Variants in RYR3 observed in about 807,000 individuals in gnomAD.
RYR3 encodes brain ryanodine receptor-calcium release channel.
Under a neutral mutation model 584.3 loss-of-function variants are expected in RYR3, and 207 were observed. That is an observed-to-expected ratio of 0.35 (90% CI 0.32 to 0.40). RYR3 has a LOEUF of 0.40. Among genes scored for constraint, RYR3 ranks in the 10% least tolerant of loss-of-function variants. The pLI is 1.00. For synonymous variants in RYR3, 2,416 were observed against 2,248.5 expected, an observed-to-expected ratio of 1.07 and a Z score of -2.11; for missense variants, 5,616 against 6,089.2, an observed-to-expected ratio of 0.92 and a Z score of 2.59.
intron 7 of RYR3, among the ~76,000 whole-genome samples, chr15:33,541,936 A>G (rs2055855586): frequency 6.6e-6 from 1 of 152,146 alleles, no homozygotes; most frequent in East Asian, 1.9e-4. Flanking sequence ...TTTCTCAAGA[A>G]AGTTTTGGCT....
chr15:33,425,798 C>T (rs577524728), intron 1 of RYR3, among the ~76,000 whole-genome samples: 36 of 151,874 alleles, frequency 2.4e-4, no homozygotes, highest in African/African-American at 8.2e-4. Context: ...CCCGCCACCA[C>T]ACCCGGCTAA....
At chr15:33,741,773 C>T (rs893874276) in intron 51 of RYR3, among the ~76,000 whole-genome samples, 1 of 152,024 alleles carries the variant, frequency 6.6e-6, no homozygotes, top group Non-Finnish European at 1.5e-5. Flanking sequence ...GCCACTACGC[C>T]CGGCTAATTT....
intron 102 of RYR3, among the ~76,000 whole-genome samples, chr15:33,862,226 G>GAGAT (rs559162050): frequency 1.3e-5 from 2 of 152,012 alleles, no homozygotes; most frequent in Non-Finnish European, 2.9e-5. Context: ...CTCATCTTTC[G>GAGAT]AGATAGATAG....
At chr15:33,727,098 G>A (rs2068525784) in intron 46 of RYR3, among the ~76,000 whole-genome samples, 1 of 152,138 alleles carries the variant, frequency 6.6e-6, no homozygotes, top group Admixed American at 6.5e-5. Context: ...TTTCCCCTGG[G>A]TCCCCCAGCT....
chr15:33,791,295 G>C (rs922899908), intron 67 of RYR3, among the ~76,000 whole-genome samples: 1 of 152,156 alleles, frequency 6.6e-6, no homozygotes, highest in African/African-American at 2.4e-5. Flanking sequence ...ATGCCCTTGA[G>C]CAGGCGAAAG....
intron 16 of RYR3, among the ~76,000 whole-genome samples, chr15:33,591,951 A>G (rs2059150606): frequency 6.6e-6 from 1 of 152,238 alleles, no homozygotes; most frequent in Non-Finnish European, 1.5e-5. Context: ...GCAGCCAAAC[A>G]GTGTTTCCGT....
chr15:33,645,418 C>T (rs922108623), intron 28 of RYR3, among the ~76,000 whole-genome samples: 1 of 152,154 alleles, frequency 6.6e-6, no homozygotes, highest in African/African-American at 2.4e-5. Flanking sequence ...CTGTAAGTTC[C>T]TTAACTCATC....
chr15:33,838,176 C>G lies in RYR3; in HGVS notation c.12196C>G (p.Arg4066Gly). ...WEKPQVKESK[R>G]QFIFDVVNEG... ...GAAGCCCCAGGTGAAGGAATCTAAG[C>G]GACAGTTCATTTTTGATGTTGTCAA... The change falls in exon 89 of 104, where the codon CGA becomes GGA. Residue 4066 changes from arginine (R) to glycine (G), a missense_variant. Around this residue, in one of 9 missense-constraint regions of RYR3, gnomAD observed 258 missense variants for 297.3 expected, o/e 0.87. Transcript: ENST00000634891. 1 of 1,613,878 alleles carries G rather than the reference C, an allele frequency of 6.2e-7. No homozygotes were observed. The highest frequency in any genetic ancestry group is 8.5e-7 in the Non-Finnish European group (1 of 1,179,880).
chr15:33,432,668 T>TTTTGTG (rs1555469374), intron 1 of RYR3, among the ~76,000 whole-genome samples: 1 of 132,142 alleles, frequency 7.6e-6, no homozygotes, highest in East Asian at 2.1e-4. Context: ...GCCTAGCTAA[T>TTTTGTG]TGTGTGTGTG....
intron 89 of RYR3, among the ~76,000 whole-genome samples, chr15:33,840,391 C>CT (rs1259677569): frequency 1.3e-5 from 2 of 152,144 alleles, no homozygotes; most frequent in African/African-American, 2.4e-5. Flanking sequence ...GAATTTTACT[C>CT]TAACTGCAGT....
At position 33,601,409 on chromosome 15, in the gene RYR3, C is replaced by T. The variant is rs955268678; in HGVS notation, c.1789-10C>T. 2 of 1,611,292 alleles carry T rather than the reference C, an allele frequency of 1.2e-6. No homozygotes were observed. The highest frequency in any genetic ancestry group is 1.7e-6 in the Non-Finnish European group (2 of 1,178,890). ...TGGTCCTAAGGTTTGGTGGGTGTGT[C>T]CTGCTGCAGGTTCTGGATATCCTGT... is the stretch of plus-strand genomic sequence containing the variant. On this transcript the variant is annotated splice_polypyrimidine_tract_variant and intron_variant, in intron 16 of 103. Coordinates refer to ENST00000634891, the MANE Select transcript of RYR3 (RefSeq NM_001036.6).
At chr15:33,803,045 A>G (rs2075997731) in intron 69 of RYR3, among the ~76,000 whole-genome samples, 1 of 152,368 alleles carries the variant, frequency 6.6e-6, no homozygotes, top group Admixed American at 6.5e-5. Flanking sequence ...AAACTTTAGC[A>G]TCTGGAGCTC....
chr15:33,855,003 A>G, intron 98 of RYR3, 91 bp downstream of exon 98: 1 of 1,279,112 alleles, frequency 7.8e-7, no homozygotes, highest in Non-Finnish European at 1.0e-6. Context: ...GACAGGAAGG[A>G]ATATGTCTTG....
At chr15:33,809,078 G>A (rs1033923546) in intron 70 of RYR3, among the ~76,000 whole-genome samples, 13 of 152,032 alleles carry the variant, frequency 8.6e-5, no homozygotes, top group Non-Finnish European at 1.5e-4. Context: ...AAACTCTTTC[G>A]CCTTTTGGAA....
intron 2 of RYR3, among the ~76,000 whole-genome samples, chr15:33,488,422 AAC>A (rs1308861683): frequency 2.0e-5 from 3 of 147,660 alleles, no homozygotes; most frequent in Non-Finnish European, 4.5e-5. Flanking sequence ...CCGACTCCTG[AAC>A]TTACTAATTA....
chr15:33,829,751 C>CAA (rs56172137), intron 85 of RYR3, among the ~76,000 whole-genome samples: 19 of 134,778 alleles, frequency 1.4e-4, no homozygotes, highest in African/African-American at 5.3e-4. Flanking sequence ...GACTCTGTCT[C>CAA]AAAAAAAAAA....
chr15:33,374,665 A>T (rs2040593933), intron 1 of RYR3, among the ~76,000 whole-genome samples: 1 of 152,212 alleles, frequency 6.6e-6, no homozygotes, highest in African/African-American at 2.4e-5. Flanking sequence ...AAAAAATGAC[A>T]ACACATTTGT....
At chr15:33,476,757 C>T (rs2049418306) in intron 2 of RYR3, among the ~76,000 whole-genome samples, 1 of 152,190 alleles carries the variant, frequency 6.6e-6, no homozygotes, top group South Asian at 2.1e-4. Context: ...ACATACCCAC[C>T]ATCCTTGCAT....
rs116937822 is a variant in RYR3, at chr15:33,770,081, G to C, written c.8816+909G>C. On this transcript the variant is annotated intron_variant, in intron 62 of 103. Coordinates refer to ENST00000634891, the MANE Select transcript of RYR3 (RefSeq NM_001036.6). ...TGCCTATAGTCGAAGCTACTCAGGA[G>C]TTCAAGACCAGCCTGAATAATGTAG... is the stretch of plus-strand genomic sequence containing the variant. Among the ~76,000 whole-genome samples, 21 of 151,108 alleles carry C rather than the reference G, an allele frequency of 1.4e-4. No individual in the cohort carries two copies. In the East Asian group the frequency reaches 3.9e-3, roughly 28 times the overall value.
Sources: allele counts gnomAD v4.1 joint callset (sites outside exome capture counted in the v4.1 genomes callset), GRCh38; gene constraint gnomAD v4.1.1; regional missense constraint gnomAD v4.1.1; transcripts MANE v1.5; gene names NCBI Gene and HGNC (gene_info 2026-07-23, HGNC 2026-07-21).